Variants in PALB2 observed in about 807,000 individuals in gnomAD.
The protein encoded by PALB2 is partner and localizer of BRCA2.
PALB2 carries 82 observed loss-of-function variants against 107.4 expected under a neutral mutation model. That is an observed-to-expected ratio of 0.76 (90% CI 0.64 to 0.92). The LOEUF is 0.92. PALB2 is among the 40% of genes least tolerant of loss of function. PALB2 has a pLI of 0.00. For missense variants in PALB2, 1,374 were observed against 1,379.9 expected (o/e 1.00, Z 0.07); for synonymous variants, 489 against 496.8 (o/e 0.98, Z 0.21).
rs886039479 is a variant in PALB2, at chr16:23,635,122, G to A, written c.1424C>T (p.Ser475Leu). The change falls in exon 4 of 13, where the codon TCA (serine) becomes TTA (leucine). Residue 475 changes from serine (S) to leucine (L), a missense_variant. Ser to Leu is a moderately radical substitution (Grantham distance 145). Transcript: ENST00000261584. ...MSGTCTGQPS[S>L]RTSQKLLSLT... ...TGAGAGAAGTTTCTGAGAGGTTCTT[G>A]AACTTGGTTGTCCTGTGCATGTGCC... The A allele has an allele frequency of 6.2e-7, 1 of 1,614,168 alleles. No individual in the cohort carries two copies. The highest frequency in any genetic ancestry group is 8.5e-7 in the Non-Finnish European group (1 of 1,180,018).
intron 4 of PALB2, among the ~76,000 whole-genome samples, chr16:23,633,646 A>G (rs1966912436): frequency 6.6e-6 from 1 of 152,170 alleles, no homozygotes; most frequent in East Asian, 1.9e-4. Flanking sequence ...TTATCCAAAA[A>G]AGTTGCTTAG....
chr16:23,606,823 T>C (rs1966485387), intron 12 of PALB2, among the ~76,000 whole-genome samples: 1 of 137,428 alleles, frequency 7.3e-6, no homozygotes, highest in Admixed American at 7.3e-5. Context: ...GCACCCTGCT[T>C]TTTTTTTTTT....
rs1555461488 is a variant in PALB2, at chr16:23,635,512, A to AAG, written c.1032_1033dup (p.Leu345SerfsTer2). On this transcript the variant is annotated frameshift_variant, in exon 4 of 13. Coordinates refer to ENST00000261584, the MANE Select transcript of PALB2 (RefSeq NM_024675.4). LOFTEE classifies it high-confidence loss of function. ...TTTCTCTGTTTGATTTTGTTCTTTT[A>AAG]AGTTTTGGTTTTCATTTGCTGGTAA... 2 of 1,613,790 alleles carry AAG rather than the reference A, an allele frequency of 1.2e-6. No homozygotes were observed. Among genetic ancestry groups the AAG allele is most frequent in the Non-Finnish European group, 1.7e-6 (2 of 1,179,902 alleles).
rs149836639 is a variant in PALB2, at chr16:23,629,743, G to A, written c.2411C>T (p.Ser804Phe). The A allele has an allele frequency of 1.9e-6, 3 of 1,614,098 alleles. No individual in the cohort carries two copies. The highest frequency in any genetic ancestry group is 1.3e-5 in the African/African-American group (1 of 74,930). The change falls in exon 5 of 13, where the codon TCT becomes TTT. Residue 804 changes from serine to phenylalanine, a missense_variant. By Grantham distance (155) the Ser-to-Phe change is radical. Transcript: ENST00000261584. The stretch of plus-strand genomic sequence containing the variant: ...GGGTGGAGGTGTTCCTGGCGGGACA[G>A]AGTCACAGTCACAGGTAGGTTGTCC... ...RQGQPTCDCD[S>F]VPPGTPPPIE...
rs778309339 is a variant in PALB2, at chr16:23,635,717, C to T, written c.829G>A (p.Asp277Asn). ...GAAGTAAATCTAATGTTTTTTAGGT[C>T]GTGAGTAGTAAGTTCACTGCTACCT... ...PKGSSELTTH[D>N]LKNIRFTSPV... The change falls in exon 4 of 13, where the codon GAC becomes AAC. Residue 277 changes from aspartate (D) to asparagine (N), a missense_variant. Coordinates refer to ENST00000261584, the MANE Select transcript of PALB2 (RefSeq NM_024675.4). 13 of 1,613,948 alleles carry T rather than the reference C, an allele frequency of 8.1e-6. No homozygotes were observed. Among genetic ancestry groups the T allele is most frequent in the African/African-American group, 6.7e-5 (5 of 74,912 alleles).
intron 11 of PALB2, among the ~76,000 whole-genome samples, chr16:23,612,880 G>T (rs1296493421): frequency 6.6e-6 from 1 of 152,044 alleles, no homozygotes; most frequent in African/African-American, 2.4e-5. Context: ...AGTCTCCCAA[G>T]TAGCTGGGAT....
In PALB2 at chr16:23,635,366, G is replaced by A. The variant is rs1567221411; in HGVS notation, c.1180C>T (p.His394Tyr). 1 of 1,613,970 alleles carries A rather than the reference G, an allele frequency of 6.2e-7. No homozygotes were observed. Among genetic ancestry groups the A allele is most frequent in the South Asian group, 1.1e-5 (1 of 91,082 alleles). Residue 394 changes from histidine (H) to tyrosine (Y), a missense_variant, in exon 4 of 13, where the codon CAT (histidine) becomes TAT (tyrosine). His to Tyr is a moderately conservative substitution (Grantham distance 83). Transcript: ENST00000261584. ...AGGCCTTCAGGCACTGTGCAAGAAT[G>A]TTTTTCTGCAGAAAGAGGAGAGGTT... ...EATSPLSAEK[H>Y]SCTVPEGLLF...
In PALB2 at chr16:23,614,645, CT is replaced by C. The variant is rs1050495053; in HGVS notation, c.3114-555del. 2.8e-3 allele frequency among the ~76,000 whole-genome samples: 302 copies of C among 107,160 alleles called. 1 individual carries two copies. The highest frequency in any genetic ancestry group is 7.2e-3 in the African/African-American group (189 of 26,282). 70.3% of individuals were successfully genotyped at this position (107,160 alleles called of 152,430 possible). ...AAAGTTTGTTGGAATCACTTCCCAG[CT>C]TTTTTTTTTTTTTTTTTTTTTTGAG... On this transcript the variant is annotated intron_variant, in intron 10 of 12. Transcript: ENST00000261584.
rs1352495486 is a variant in PALB2 at position 23,636,209 on chromosome 16, G to C, written c.337C>G (p.Pro113Ala). ...GPESFNPGDG[P>A]GGLPIQRTDD... ...GTTCTTTGTATAGGTAATCCTCCTGGGCCATCTCCAGGGTTAAAGGACTCA... is the reference window on the plus strand; with the variant it reads ...GTTCTTTGTATAGGTAATCCTCCTGCGCCATCTCCAGGGTTAAAGGACTCA... The change falls in exon 4 of 13, where the codon CCA becomes GCA. Residue 113 changes from proline (P) to alanine (A), a missense_variant. Transcript: ENST00000261584. 1 of 1,613,178 alleles carries C rather than the reference G, an allele frequency of 6.2e-7. No individual in the cohort carries two copies.
At chr16:23,617,733 G>A (rs899704950) in intron 10 of PALB2, 3 of 152,034 alleles carry the variant, frequency 2.0e-5, no homozygotes, top group African/African-American at 7.3e-5. Context: ...AACAGACTGA[G>A]ACCCTCTCTC....
At chr16:23,630,538 G>T in intron 4 of PALB2, 69 bp from the exon 5 acceptor site, 3 of 1,231,686 alleles carry the variant, frequency 2.4e-6, no homozygotes, top group South Asian at 1.3e-5. Context: ...TTTCACTGAT[G>T]ACAAAGAGAA....
intron 4 of PALB2, 129 bp downstream of exon 4, chr16:23,634,733 A>ATTAC: frequency 4.7e-6 from 6 of 1,268,798 alleles, no homozygotes; most frequent in Non-Finnish European, 6.6e-6. Flanking sequence ...AAGTGCTGGG[A>ATTAC]TTACAGACGT....
At chr16:23,628,274 C>T (rs527475773) in intron 6 of PALB2, among the ~76,000 whole-genome samples, 6 of 152,036 alleles carry the variant, frequency 3.9e-5, no homozygotes, top group Non-Finnish European at 7.4e-5. Context: ...GAATAAATTC[C>T]GAAACAGAGC....
rs1060504709 is a variant in PALB2, at chr16:23,635,688, A to C, written c.858T>G (p.Pro286=). The C allele has an allele frequency of 2.5e-6, 4 of 1,614,106 alleles. No individual in the cohort carries two copies. ...HDLKNIRFTS[P]VSLEAQGKKM... is the part of the protein sequence containing the mutation. Reference sequence around the variant, plus strand: ...TTTTGCCTTGTGCCTCCAAACTTACAGGTGAAGTAAATCTAATGTTTTTTA... The same window carrying C: ...TTTTGCCTTGTGCCTCCAAACTTACCGGTGAAGTAAATCTAATGTTTTTTA... Residue 286 remains proline (P), a synonymous_variant, in exon 4 of 13, where the codon CCT becomes CCG. Coordinates refer to ENST00000261584, the MANE Select transcript of PALB2 (RefSeq NM_024675.4).
At chr16:23,605,258 C>G (rs967116950) in intron 12 of PALB2, among the ~76,000 whole-genome samples, 4 of 152,152 alleles carry the variant, frequency 2.6e-5, no homozygotes, top group African/African-American at 9.7e-5. Context: ...CTTTGACAGT[C>G]TCTCCCCAAC....
intron 10 of PALB2, among the ~76,000 whole-genome samples, chr16:23,616,525 T>C (rs1966687073): frequency 6.6e-6 from 1 of 152,152 alleles, no homozygotes; most frequent in Admixed American, 6.5e-5. Context: ...ATGTGAATTG[T>C]AAAAAGGATT....
intron 9 of PALB2, among the ~76,000 whole-genome samples, 173 bp downstream of exon 9, chr16:23,622,796 G>A (rs1966794691): frequency 6.6e-6 from 1 of 152,102 alleles, no homozygotes; most frequent in Admixed American, 6.6e-5. Flanking sequence ...TGACATGTCT[G>A]GCTTCCACCT....
In PALB2 at chr16:23,630,328, A is replaced by T; in HGVS notation, c.1826T>A (p.Ile609Asn). ...SLKQLLSFLS[I>N]TDFQLPDEDF... ...TTCATCAGGTAACTGAAAGTCTGTG[A>T]TACTGAGAAAAGACAGTAGTTGCTT... is the stretch of plus-strand genomic sequence containing the variant. The change falls in exon 5 of 13, where the codon ATC becomes AAC. Residue 609 changes from isoleucine to asparagine, a missense_variant. Physicochemically the swap from Ile to Asn is moderately radical, Grantham distance 149. Transcript: ENST00000261584. The T allele has an allele frequency of 6.2e-7, 1 of 1,614,214 alleles. No individual in the cohort carries two copies. The highest frequency in any genetic ancestry group is 1.1e-5 in the South Asian group (1 of 91,084).
At chr16:23,620,230 T>C (rs541458135) in intron 10 of PALB2, among the ~76,000 whole-genome samples, 1 of 152,334 alleles carries the variant, frequency 6.6e-6, no homozygotes, top group East Asian at 1.9e-4. Context: ...GACCTATGAA[T>C]ATGCAGTTTA....
Sources: allele counts gnomAD v4.1 joint callset (sites outside exome capture counted in the v4.1 genomes callset), GRCh38; gene constraint gnomAD v4.1.1; transcripts MANE v1.5; gene names NCBI Gene and HGNC (gene_info 2026-07-23, HGNC 2026-07-21).